GALNT17: variants seen among roughly 807,000 people sequenced by gnomAD.
The protein encoded by GALNT17 is UDP-GalNAc:polypeptide N-acetylgalactosaminyltransferase-like 3.
A neutral mutation model predicts 63.7 loss-of-function variants in GALNT17; 29 were observed. The ratio of observed to expected loss-of-function variants is 0.46; its 90% CI spans 0.34 to 0.62. The LOEUF (loss-of-function observed/expected upper bound fraction) is 0.62. Among genes scored for constraint, GALNT17 ranks in the 20% least tolerant of loss-of-function variants. The pLI is 0.01. For synonymous variants in GALNT17, 305 were observed against 318.3 expected (o/e 0.96, Z 0.45); for missense variants, 603 against 799.6 (o/e 0.75, Z 2.97).
chr7:71,546,324 C>A (rs1333975435), intron 5 of GALNT17, among the ~76,000 whole-genome samples: 1 of 151,980 alleles, frequency 6.6e-6, no homozygotes, highest in East Asian at 1.9e-4. Flanking sequence ...CCACTCCTGG[C>A]TAATTTTTAT....
chr7:71,515,231 C>T (rs1345573059), intron 5 of GALNT17, among the ~76,000 whole-genome samples: 1 of 152,124 alleles, frequency 6.6e-6, no homozygotes, highest in Non-Finnish European at 1.5e-5. Flanking sequence ...GAGAGAAATG[C>T]CTTAGGAGCT....
intron 5 of GALNT17, among the ~76,000 whole-genome samples, chr7:71,535,042 G>GAAAA (rs1788782468): frequency 6.6e-6 from 1 of 152,146 alleles, no homozygotes; most frequent in East Asian, 1.9e-4. Flanking sequence ...CCCCAAAGTA[G>GAAAA]TAGGAGCCAA....
intron 1 of GALNT17, among the ~76,000 whole-genome samples, chr7:71,191,408 G>A (rs368459451): frequency 4.0e-5 from 6 of 151,294 alleles, no homozygotes; most frequent in Non-Finnish European, 5.9e-5. Flanking sequence ...AAAAAGAAGC[G>A]GAAAATAAAT....
At chr7:71,248,425 A>G (rs1171384081) in intron 1 of GALNT17, among the ~76,000 whole-genome samples, 1 of 152,192 alleles carries the variant, frequency 6.6e-6, no homozygotes, top group Non-Finnish European at 1.5e-5. Context: ...TCCATGTATA[A>G]GTGGACCCAT....
intron 1 of GALNT17, among the ~76,000 whole-genome samples, chr7:71,139,693 CAGAA>C (rs1787850498): frequency 6.6e-6 from 1 of 151,924 alleles, no homozygotes; most frequent in Non-Finnish European, 1.5e-5. Flanking sequence ...AAGGTGGAGT[CAGAA>C]AGAGAGGAAT....
chr7:71,314,737 A>G (rs1791471568), intron 1 of GALNT17, among the ~76,000 whole-genome samples: 1 of 152,142 alleles, frequency 6.6e-6, no homozygotes, highest in Non-Finnish European at 1.5e-5. Context: ...CCCTATCTCT[A>G]CAAGAAATTA....
intron 1 of GALNT17, among the ~76,000 whole-genome samples, chr7:71,169,299 G>T (rs1788502630): frequency 6.6e-6 from 1 of 152,058 alleles, no homozygotes. Flanking sequence ...ATCCCCCCTA[G>T]GCTCTCTTTT....
intron 5 of GALNT17, among the ~76,000 whole-genome samples, chr7:71,513,740 G>C (rs1001330544): frequency 1.1e-4 from 17 of 151,924 alleles, no homozygotes; most frequent in Non-Finnish European, 2.9e-5. Flanking sequence ...TTTCCTAGGA[G>C]AAAAAGTATG....
At chr7:71,529,756 G>A (rs1788683804) in intron 5 of GALNT17, among the ~76,000 whole-genome samples, 2 of 152,194 alleles carry the variant, frequency 1.3e-5, no homozygotes, top group South Asian at 2.1e-4. Flanking sequence ...TAACTACTCT[G>A]TAAGAGAAGG....
intron 5 of GALNT17, among the ~76,000 whole-genome samples, chr7:71,447,162 G>T (rs1450103556): frequency 6.6e-6 from 1 of 152,114 alleles, no homozygotes; most frequent in Non-Finnish European, 1.5e-5. Flanking sequence ...AGGTTTAAGG[G>T]CTCAGTCCCA....
chr7:71,373,196 T>C (rs559351551), intron 2 of GALNT17, among the ~76,000 whole-genome samples: 2 of 152,204 alleles, frequency 1.3e-5, no homozygotes, highest in Non-Finnish European at 2.9e-5. Flanking sequence ...CTCACTTCAC[T>C]AGCCTTGGAA....
intron 2 of GALNT17, among the ~76,000 whole-genome samples, chr7:71,372,193 C>T (rs527420024): frequency 6.6e-6 from 1 of 152,194 alleles, no homozygotes; most frequent in South Asian, 2.1e-4. Context: ...GAGTCTCGCT[C>T]TGTTGCCCAG....
At chr7:71,204,977 C>A (rs2116376625) in intron 1 of GALNT17, among the ~76,000 whole-genome samples, 1 of 152,124 alleles carries the variant, frequency 6.6e-6, no homozygotes, top group South Asian at 2.1e-4. Flanking sequence ...AACTCCTGAC[C>A]TCAAGTAATC....
chr7:71,684,407 G>A (rs754580008), intron 9 of GALNT17, among the ~76,000 whole-genome samples: 3 of 152,210 alleles, frequency 2.0e-5, no homozygotes, highest in Non-Finnish European at 4.4e-5. Context: ...CGCCCCCGAT[G>A]GCTCTGCATC....
intron 1 of GALNT17, among the ~76,000 whole-genome samples, chr7:71,280,961 G>T (rs1790768501): frequency 6.6e-6 from 1 of 152,098 alleles, no homozygotes; most frequent in Non-Finnish European, 1.5e-5. Context: ...GAGGAGAATG[G>T]GATGCTGGAC....
intron 5 of GALNT17, among the ~76,000 whole-genome samples, chr7:71,474,348 T>C (rs1311299970): frequency 6.6e-6 from 1 of 152,180 alleles, no homozygotes; most frequent in Admixed American, 6.5e-5. Flanking sequence ...CATCTCATCC[T>C]GTGACTAAGA....
At chr7:71,611,656 C>T (rs1464900) in intron 6 of GALNT17, among the ~76,000 whole-genome samples, 139,515 of 152,028 alleles carry the variant, frequency 0.92, 65,117 homozygotes, top group Non-Finnish European at 1. Flanking sequence ...CCAAAAAAAA[C>T]ACGCACTTGC....
chr7:71,138,836 G>T (rs537395762), intron 1 of GALNT17, among the ~76,000 whole-genome samples: 1 of 152,126 alleles, frequency 6.6e-6, no homozygotes, highest in Non-Finnish European at 1.5e-5. Context: ...GTAGCAGGGC[G>T]TGGTGGCTGG....
At chr7:71,217,835 G>A (rs1018274155) in intron 1 of GALNT17, among the ~76,000 whole-genome samples, 2 of 151,840 alleles carry the variant, frequency 1.3e-5, no homozygotes, top group Non-Finnish European at 2.9e-5. Context: ...GGCTGAGGCA[G>A]GAGAATGGTG....
Sources: allele counts gnomAD v4.1 joint callset (sites outside exome capture counted in the v4.1 genomes callset), GRCh38; gene constraint gnomAD v4.1.1; transcripts MANE v1.5; gene names NCBI Gene and HGNC (gene_info 2026-07-23, HGNC 2026-07-21).